NCAPD2: variants seen among roughly 807,000 people sequenced by gnomAD.
NCAPD2 encodes non-SMC condensin I complex subunit D2.
NCAPD2 carries 100 observed loss-of-function variants against 164.5 expected under a neutral mutation model. That is an observed-to-expected ratio of 0.61 (90% confidence interval 0.52 to 0.72). The LOEUF is 0.72. Among genes scored for constraint, NCAPD2 ranks in the 30% least tolerant of loss-of-function variants. The pLI, the probability that NCAPD2 is intolerant of heterozygous loss-of-function variation, is 0.00. For synonymous variants in NCAPD2, 585 were observed against 642.6 expected (o/e 0.91, Z 1.36); for missense variants, 1,560 against 1,749.2 (o/e 0.89, Z 1.93).
In NCAPD2 at chr12:6,526,137, A is replaced by G. The variant is rs1252417604; in HGVS notation, c.2418A>G (p.Pro806=). Residue 806 remains proline, a synonymous_variant, in exon 19 of 32, where the codon CCA becomes CCG. Coordinates refer to ENST00000315579, the MANE Select transcript of NCAPD2 (RefSeq NM_014865.4). The stretch of plus-strand genomic sequence containing the variant: ...GCATAGGGCTGGATGAGAAGTTTCC[A>G]CAGGACTACAGGCTGGCCCAGCAGG... ...LVSIGLDEKF[P]QDYRLAQQVC... 1.9e-6 allele frequency: 3 copies of G among 1,614,190 alleles called. No individual in the cohort carries two copies. Among genetic ancestry groups the G allele is most frequent in the Non-Finnish European group, 2.5e-6 (3 of 1,180,050 alleles).
At chr12:6,525,269 T>A (rs1465471498) in intron 17 of NCAPD2, among the ~76,000 whole-genome samples, 4 of 152,182 alleles carry the variant, frequency 2.6e-5, no homozygotes, top group Non-Finnish European at 5.9e-5. Flanking sequence ...ATGTTGGACA[T>A]GTTGAGTTTG....
At chr12:6,518,509 T>TTTTTTTTTTTTTTTTTTG (rs1592173008) in intron 13 of NCAPD2, among the ~76,000 whole-genome samples, 1 of 95,638 alleles carries the variant, frequency 1.0e-5, no homozygotes, top group East Asian at 2.9e-4. Flanking sequence ...AACAAGTTTT[T>TTTTTTTTTTTTTTTTTTG]TTTTTTTTTT....
chr12:6,506,547 A>G (rs1160181136), intron 2 of NCAPD2, among the ~76,000 whole-genome samples: 4 of 151,712 alleles, frequency 2.6e-5, no homozygotes, highest in Admixed American at 6.6e-5. Context: ...CCGAGATCGC[A>G]CCACTGCACT....
At chr12:6,501,509 G>A (rs1211120209) in intron 2 of NCAPD2, among the ~76,000 whole-genome samples, 1 of 152,134 alleles carries the variant, frequency 6.6e-6, no homozygotes, top group African/African-American at 2.4e-5. Flanking sequence ...TTTGACTTGA[G>A]CAACTAGAAG....
At chr12:6,519,735 G>A (rs1946247105) in intron 13 of NCAPD2, among the ~76,000 whole-genome samples, 1 of 152,116 alleles carries the variant, frequency 6.6e-6, no homozygotes, top group African/African-American at 2.4e-5. Flanking sequence ...GGGTGCAATG[G>A]CTCATGCCTG....
At chr12:6,512,272 C>CA (rs35978725) in intron 6 of NCAPD2, among the ~76,000 whole-genome samples, 1,203 of 87,300 alleles carry the variant, frequency 0.014, 21 homozygotes, top group African/African-American at 0.04. Flanking sequence ...ACTCCATCTC[C>CA]AAAAAAAAAA....
At chr12:6,517,273 G>A (rs1946211244) in intron 10 of NCAPD2, 92 bp from the exon 11 acceptor site, 3 of 1,530,492 alleles carry the variant, frequency 2.0e-6, no homozygotes, top group Non-Finnish European at 2.6e-6. Flanking sequence ...AGAGTGAGTG[G>A]GTAGCTCAGT....
intron 13 of NCAPD2, among the ~76,000 whole-genome samples, chr12:6,518,801 G>A (rs1470787555): frequency 6.6e-6 from 1 of 151,512 alleles, no homozygotes; most frequent in Non-Finnish European, 1.5e-5. Context: ...GATTACAGGC[G>A]TGAGCCACCG....
intron 17 of NCAPD2, 54 bp downstream of exon 17, chr12:6,523,400 T>C (rs1946286063): frequency 1.6e-6 from 2 of 1,232,740 alleles, no homozygotes; most frequent in Non-Finnish European, 2.2e-6. Context: ...TTTTGGTTGT[T>C]TTTTTTTTTT....
Position 6,526,501 on chromosome 12 carries a change from C to T in NCAPD2, c.2620C>T (p.Leu874Phe), listed in dbSNP as rs941238695. ...WIPFKEVAVTLIYQLAEGPEV... is the reference protein window; with the variant it reads ...WIPFKEVAVTFIYQLAEGPEV... ...CCCATTCAAAGAGGTGGCAGTGACC[C>T]TCATTTACCAACTGGCAGAGGGCCC... The change falls in exon 21 of 32, where the codon CTC (leucine) becomes TTC (phenylalanine). Residue 874 changes from leucine (L) to phenylalanine (F), a missense_variant. Transcript: ENST00000315579. The T allele has an allele frequency of 3.7e-6, 6 of 1,614,164 alleles. No individual in the cohort carries two copies. The African/African-American group carries it at 6.7e-5, about 18-fold the overall frequency.
intron 13 of NCAPD2, among the ~76,000 whole-genome samples, chr12:6,520,191 A>AT (rs1027382708): frequency 0.012 from 1,829 of 149,576 alleles, 30 homozygotes; most frequent in African/African-American, 0.038. Context: ...TAAAAAAAAA[A>AT]ATATATATAT....
chr12:6,503,238 A>G (rs1001643533), intron 2 of NCAPD2, among the ~76,000 whole-genome samples: 1 of 140,508 alleles, frequency 7.1e-6, no homozygotes, highest in African/African-American at 2.7e-5. Context: ...AAGCTCAACA[A>G]TGGAAATACG....
At chr12:6,516,791 A>C in intron 9 of NCAPD2, 37 bp from the exon 10 acceptor site, 2 of 1,603,400 alleles carry the variant, frequency 1.2e-6, no homozygotes, top group Non-Finnish European at 1.7e-6. Flanking sequence ...CTTCGCCTTG[A>C]CTAAAGGTTT....
intron 28 of NCAPD2, 36 bp downstream of exon 28, chr12:6,529,629 C>T (rs369793248): frequency 4.2e-5 from 67 of 1,610,512 alleles, no homozygotes; most frequent in Admixed American, 1.0e-4. Flanking sequence ...TTGTGCTGAG[C>T]GGGGCCCTGC....
Position 6,523,286 on chromosome 12 carries a change from G to T in NCAPD2, c.2154G>T (p.Gln718His). 1 of 1,614,114 alleles carries T rather than the reference G, an allele frequency of 6.2e-7. No individual in the cohort carries two copies. Among genetic ancestry groups the T allele is most frequent in the African/African-American group, 1.3e-5 (1 of 75,016 alleles). Residue 718 changes from glutamine to histidine, a missense_variant, in exon 17 of 32, where the codon CAG becomes CAT. Physicochemically the swap from Gln to His is conservative, Grantham distance 24 (BLOSUM62 0). Transcript: ENST00000315579. ...SARAKAQALI[Q>H]NLSLLLVDAS... ...GAGCCAAGGCCCAGGCTTTGATTCA[G>T]AATCTCTCTCTGCTGCTAGTGGATG...
chr12:6,501,106 G>A (rs1257356750), intron 2 of NCAPD2, among the ~76,000 whole-genome samples: 1 of 149,738 alleles, frequency 6.7e-6, no homozygotes, highest in Non-Finnish European at 1.5e-5. Context: ...TGTCACCCAG[G>A]TTGGCGTGCA....
chr12:6,509,784 C>A lies in NCAPD2; in HGVS notation c.195C>A (p.Ser65Arg). The change falls in exon 3 of 32, where the codon AGC (serine) becomes AGA (arginine). Residue 65 changes from serine to arginine, a missense_variant. Ser to Arg is a moderately radical substitution (Grantham distance 110). Transcript: ENST00000315579. The stretch of plus-strand genomic sequence containing the variant: ...TGCAGCACTTTGATACTATCTACAG[C>A]ATTTTGCAGTAAGTGAAACACCCAA... The part of the protein sequence containing the change: ...AMLQHFDTIY[S>R]ILHHFRSIDP... 2 of 1,613,894 alleles carry A rather than the reference C, an allele frequency of 1.2e-6. No individual in the cohort carries two copies. The highest frequency in any genetic ancestry group is 1.7e-6 in the Non-Finnish European group (2 of 1,179,928).
chr12:6,528,166 C>T lies in NCAPD2; in HGVS notation c.3144-7C>T. On this transcript the variant is annotated splice_region_variant and splice_polypyrimidine_tract_variant and intron_variant, in intron 24 of 31. Coordinates refer to ENST00000315579, the MANE Select transcript of NCAPD2 (RefSeq NM_014865.4). The surrounding 1 kb of genome is among the most constrained non-coding windows in gnomAD (Gnocchi z 5.1). ...GGCTTCCCTAATGATCCTCTTCTTG[C>T]TCTTAGTGCCACTTTCTGCGACTCC... 1.2e-6 allele frequency: 2 copies of T among 1,614,212 alleles called. No homozygotes were observed. The highest frequency in any genetic ancestry group is 1.6e-4 in the Middle Eastern group (1 of 6,062).
intron 2 of NCAPD2, among the ~76,000 whole-genome samples, chr12:6,497,057 G>C (rs1430602233): frequency 6.6e-6 from 1 of 152,182 alleles, no homozygotes; most frequent in African/African-American, 2.4e-5. Flanking sequence ...ACCCAGACTG[G>C]TTTAACTGAT....
Sources: gnomAD v4.1 joint callset for allele counts (sites outside exome capture counted in the v4.1 genomes callset) on GRCh38, gnomAD v4.1.1 for gene constraint, Gnocchi (gnomAD v3.1) non-coding constraint, MANE v1.5 for transcripts, NCBI Gene and HGNC (gene_info 2026-07-23, HGNC 2026-07-21) for gene names.